ANO6: variants seen among roughly 807,000 people sequenced by gnomAD.
ANO6 encodes anoctamin-6.
In ANO6, 106 loss-of-function variants were observed where a neutral mutation model predicts 117.5. The observed-to-expected ratio is 0.90, with a 90% CI of 0.77 to 1.06. ANO6 has a LOEUF of 1.06. ANO6 is among the 50% of genes least tolerant of loss of function. The pLI, the probability that ANO6 is intolerant of heterozygous loss-of-function variation, is 0.00. For synonymous variants in ANO6, 367 were observed against 385.1 expected (o/e 0.95, Z 0.55); for missense variants, 955 against 1,121.1 (o/e 0.85, Z 2.12).
intron 1 of ANO6, among the ~76,000 whole-genome samples, chr12:45,287,667 C>A (rs1383951395): frequency 6.6e-6 from 1 of 152,032 alleles, no homozygotes; most frequent in Non-Finnish European, 1.5e-5. Flanking sequence ...TAATTTTGGT[C>A]TGGTTAATTT....
At chr12:45,216,560 C>A (rs1947316051) in intron 1 of ANO6, among the ~76,000 whole-genome samples, 169 bp downstream of exon 1, 1 of 152,162 alleles carries the variant, frequency 6.6e-6, no homozygotes, top group Non-Finnish European at 1.5e-5. Flanking sequence ...CAGACTGAGG[C>A]CCCGGTGCGG....
At chr12:45,221,064 G>GA (rs1011236015) in intron 1 of ANO6, among the ~76,000 whole-genome samples, 15 of 152,004 alleles carry the variant, frequency 9.9e-5, no homozygotes, top group African/African-American at 3.6e-4. Flanking sequence ...GGAAGTGGGG[G>GA]GGGGCAGCCT....
chr12:45,403,633 C>G, intron 15 of ANO6, 97 bp downstream of exon 15: 12 of 978,902 alleles, frequency 1.2e-5, no homozygotes, highest in Non-Finnish European at 1.9e-5. Flanking sequence ...AGCCACATAG[C>G]TGCATGTCCA....
intron 2 of ANO6, among the ~76,000 whole-genome samples, chr12:45,308,314 GAAGT>G (rs1316271122): frequency 2.0e-5 from 3 of 151,978 alleles, no homozygotes; most frequent in Non-Finnish European, 4.4e-5. Context: ...TTCCTTCTTA[GAAGT>G]AAGAGGGAAG....
At position 45,427,353 on chromosome 12, in the gene ANO6, C is replaced by T. The variant is rs377727208; in HGVS notation, c.2527-1752C>T. Among the ~76,000 whole-genome samples the T allele has an allele frequency of 7.2e-4, 109 of 152,254 alleles. 2 individuals carry two copies. The South Asian group carries it at 0.013, about 18-fold the overall frequency. On this transcript the variant is annotated intron_variant, in intron 19 of 19. Coordinates refer to ENST00000320560, the MANE Select transcript of ANO6 (RefSeq NM_001025356.3). ...GCCCCTCAGACATCACTTCTCTTCT[C>T]GTCACCTGCTCCGCACCATCCTTGC...
At chr12:45,226,821 A>G (rs1487425972) in intron 1 of ANO6, among the ~76,000 whole-genome samples, 7 of 151,652 alleles carry the variant, frequency 4.6e-5, no homozygotes, top group African/African-American at 1.7e-4. Context: ...TGCATATGAA[A>G]CTCAATAAGA....
chr12:45,237,338 C>T (rs577763154), intron 1 of ANO6, among the ~76,000 whole-genome samples: 3 of 152,292 alleles, frequency 2.0e-5, no homozygotes, highest in Non-Finnish European at 4.4e-5. Context: ...AGGTTTTCTT[C>T]TAGGGATTTT....
In ANO6 at chr12:45,429,430, AT is replaced by A; in HGVS notation, c.*122del. The A allele has an allele frequency of 1.3e-6, 2 of 1,512,318 alleles. No individual in the cohort carries two copies. The highest frequency in any genetic ancestry group is 1.8e-6 in the Non-Finnish European group (2 of 1,135,532). 93.7% of individuals were successfully genotyped at this position (1,512,318 alleles called of 1,614,324 possible). On this transcript the variant is annotated 3_prime_UTR_variant, in exon 20 of 20. Transcript: ENST00000320560. Reference sequence around the variant, plus strand: ...GCAAATATGAGTCTCAACTATTGCCATTTCCTCATGTATTATTTTTCAGTTT... The same window carrying A: ...GCAAATATGAGTCTCAACTATTGCCATTCCTCATGTATTATTTTTCAGTTT...
chr12:45,372,507 G>A (rs1326292126), intron 9 of ANO6, among the ~76,000 whole-genome samples: 1 of 142,106 alleles, frequency 7.0e-6, no homozygotes, highest in Non-Finnish European at 1.5e-5. Flanking sequence ...ACTAACAGCG[G>A]ATCTCTCGGC....
In ANO6 at chr12:45,288,412, T is replaced by A. The variant is rs139148201; in HGVS notation, c.71-13602T>A. On this transcript the variant is annotated intron_variant, in intron 1 of 19. Coordinates refer to ENST00000320560, the MANE Select transcript of ANO6 (RefSeq NM_001025356.3). ...TAAACAATAACTCCCCATTCCCCCT[T>A]CTCCTGGCAACCTCCATTCTACTTT... is the stretch of plus-strand genomic sequence containing the variant. Among the ~76,000 whole-genome samples the A allele has an allele frequency of 2.7e-3, 403 of 151,894 alleles. 1 individual carries two copies. The highest frequency in any genetic ancestry group is 9.4e-3 in the African/African-American group (386 of 41,194).
chr12:45,394,262 T>C (rs1055994883), intron 12 of ANO6, among the ~76,000 whole-genome samples: 1 of 152,130 alleles, frequency 6.6e-6, no homozygotes, highest in African/African-American at 2.4e-5. Flanking sequence ...GGCCATTATG[T>C]AATGGTAAAG....
At chr12:45,434,208 G>A (rs572244235), downstream of ANO6, among the ~76,000 whole-genome samples, 52 of 152,114 alleles carry the variant, frequency 3.4e-4, no homozygotes, top group Non-Finnish European at 6.5e-4. Flanking sequence ...TCCTAATACC[G>A]TTCAGGGTGG....
chr12:45,363,847 C>T (rs1941618659), intron 8 of ANO6, among the ~76,000 whole-genome samples: 2 of 152,180 alleles, frequency 1.3e-5, no homozygotes, highest in South Asian at 4.1e-4. Context: ...TAAGACATGC[C>T]TTTTGCCTTC....
intron 3 of ANO6, among the ~76,000 whole-genome samples, chr12:45,343,933 T>C (rs1307036251): frequency 2.0e-5 from 3 of 152,112 alleles, no homozygotes; most frequent in Non-Finnish European, 4.4e-5. Context: ...AGCATTCAAT[T>C]TGGAGCCTGG....
At chr12:45,372,257 G>A (rs1389922859) in intron 9 of ANO6, among the ~76,000 whole-genome samples, 2 of 145,878 alleles carry the variant, frequency 1.4e-5, no homozygotes, top group African/African-American at 5.1e-5. Context: ...AAAGTGATGG[G>A]GAGAATGGAA....
intron 19 of ANO6, among the ~76,000 whole-genome samples, chr12:45,428,875 G>A (rs1175237093): frequency 6.6e-6 from 1 of 152,068 alleles, no homozygotes; most frequent in Non-Finnish European, 1.5e-5. Flanking sequence ...TTATATGTGT[G>A]TATATATACT....
chr12:45,395,246 A>G (rs2137601951), intron 12 of ANO6, among the ~76,000 whole-genome samples: 1 of 152,346 alleles, frequency 6.6e-6, no homozygotes, highest in Non-Finnish European at 1.5e-5. Flanking sequence ...TCTACAAGAA[A>G]TGGATAAATT....
rs76400618 is a variant in ANO6 at position 45,298,770 on chromosome 12, G to A, written c.71-3244G>A. ...AATCCATTCAAGCTACATAGATACC[G>A]TTTATTGGATAGAACATCTGGGTAA... On this transcript the variant is annotated intron_variant, in intron 1 of 19. Transcript: ENST00000320560. Among the ~76,000 whole-genome samples, 1,461 of 152,124 alleles carry A rather than the reference G, an allele frequency of 9.6e-3. 25 individuals are homozygous for A. The highest frequency in any genetic ancestry group is 0.033 in the African/African-American group (1,375 of 41,494).
chr12:45,325,665 AT>A (rs1274946420), intron 2 of ANO6, among the ~76,000 whole-genome samples: 1 of 152,060 alleles, frequency 6.6e-6, no homozygotes, highest in Non-Finnish European at 1.5e-5. Context: ...GCATTTTCAC[AT>A]TTTTTTCTTT....
Sources: gnomAD v4.1 joint callset for allele counts (sites outside exome capture counted in the v4.1 genomes callset) on GRCh38, gnomAD v4.1.1 for gene constraint, MANE v1.5 for transcripts, NCBI Gene and HGNC (gene_info 2026-07-23, HGNC 2026-07-21) for gene names.